AK8: variants seen among roughly 807,000 people sequenced by gnomAD.
AK8 encodes the protein adenylate kinase 8, also known as ATP-AMP transphosphorylase 8.
A neutral mutation model predicts 54.6 loss-of-function variants in AK8; 44 were observed. That is an observed-to-expected ratio of 0.81 (90% CI 0.63 to 1.04). AK8 has a LOEUF of 1.04. Ranked by LOEUF, AK8 falls within the 50% of genes least tolerant of loss-of-function variation. AK8 has a pLI of 0.00. For synonymous variants in AK8, 239 were observed against 245.6 expected (o/e 0.97, Z 0.25); for missense variants, 555 against 613.6 (o/e 0.90, Z 1.01).
intron 5 of AK8, among the ~76,000 whole-genome samples, chr9:132,839,919 G>A (rs1842472403): frequency 6.6e-6 from 1 of 151,240 alleles, no homozygotes. Context: ...CCGGGTTCAA[G>A]TGATTCTCTT....
At chr9:132,817,106 C>T (rs1398156138) in intron 9 of AK8, among the ~76,000 whole-genome samples, 3 of 152,118 alleles carry the variant, frequency 2.0e-5, no homozygotes, top group Non-Finnish European at 4.4e-5. Flanking sequence ...AGTGACAGAC[C>T]CTGCTGAACA....
chr9:132,758,300 A>G (rs1488953849), intron 11 of AK8, among the ~76,000 whole-genome samples: 1 of 152,260 alleles, frequency 6.6e-6, no homozygotes, highest in Non-Finnish European at 1.5e-5. Flanking sequence ...GAAAGAAAAA[A>G]GTCTAAATGC....
chr9:132,772,870 A>G (rs1347292427), intron 11 of AK8, among the ~76,000 whole-genome samples: 1 of 152,120 alleles, frequency 6.6e-6, no homozygotes, highest in African/African-American at 2.4e-5. Context: ...CACCACCTCC[A>G]CAGCTACCAC....
intron 11 of AK8, among the ~76,000 whole-genome samples, chr9:132,778,695 GCCT>G (rs1276751655): frequency 6.6e-6 from 1 of 152,028 alleles, no homozygotes; most frequent in Non-Finnish European, 1.5e-5. Flanking sequence ...GGGAGCTCTG[GCCT>G]ATAAACTATA....
rs962094300 is a variant in AK8, at chr9:132,728,613, C to T, written c.1122-1079G>A. On this transcript the variant is annotated intron_variant, in intron 11 of 12. Coordinates refer to ENST00000298545, the MANE Select transcript of AK8 (RefSeq NM_152572.3). ...ATAATTTAATCACCATTCCTAGATA[C>T]CCTTCCTGGGAGTTCAGGCTCCCTG... 3.3e-5 allele frequency among the ~76,000 whole-genome samples: 5 copies of T among 152,296 alleles called. No homozygotes were observed. In the South Asian group the frequency reaches 8.3e-4, roughly 25 times the overall value.
At chr9:132,825,785 T>C (rs983058578) in intron 8 of AK8, among the ~76,000 whole-genome samples, 1 of 152,216 alleles carries the variant, frequency 6.6e-6, no homozygotes, top group Non-Finnish European at 1.5e-5. Flanking sequence ...AAAACAGGAC[T>C]TTTCTTGGAG....
chr9:132,779,864 G>T (rs1839384352), intron 11 of AK8, among the ~76,000 whole-genome samples: 1 of 152,220 alleles, frequency 6.6e-6, no homozygotes, highest in Non-Finnish European at 1.5e-5. Context: ...CCCTTCCATG[G>T]ATCTTACCTG....
At chr9:132,740,288 G>A (rs1379240386) in intron 11 of AK8, among the ~76,000 whole-genome samples, 1 of 152,196 alleles carries the variant, frequency 6.6e-6, no homozygotes, top group Non-Finnish European at 1.5e-5. Context: ...CCCAAATGAG[G>A]TCTGGGTACT....
intron 10 of AK8, among the ~76,000 whole-genome samples, chr9:132,801,678 G>T (rs1200261846): frequency 2.0e-5 from 3 of 152,168 alleles, no homozygotes; most frequent in African/African-American, 7.2e-5. Flanking sequence ...CAGTTTTCTG[G>T]GAGGGAAAAG....
At chr9:132,873,353 G>T (rs1157996598) in intron 2 of AK8, among the ~76,000 whole-genome samples, 1 of 152,146 alleles carries the variant, frequency 6.6e-6, no homozygotes, top group Non-Finnish European at 1.5e-5. Flanking sequence ...AACGAGGAAA[G>T]TGAGGCCAAA....
intron 10 of AK8, among the ~76,000 whole-genome samples, chr9:132,813,279 G>C (rs1043288855): frequency 2.0e-5 from 3 of 151,982 alleles, no homozygotes; most frequent in Non-Finnish European, 4.4e-5. Flanking sequence ...TCCACCCCGC[G>C]GACTAGGACA....
Position 132,823,416 on chromosome 9 carries a change from CTT to C in AK8, c.758-82_758-81del, listed in dbSNP as rs879115613. 7.7e-6 allele frequency: 12 copies of C among 1,568,428 alleles called. No homozygotes were observed. The South Asian group carries it at 1.0e-4, about 13-fold the overall frequency. ...CGCTTGCAGCCCCTCTGCTTTGACTCTTTTAACGGCAGTAACTCTTTTTCTCT... is the reference window on the plus strand; with the variant it reads ...CGCTTGCAGCCCCTCTGCTTTGACTCTTAACGGCAGTAACTCTTTTTCTCT... On this transcript the variant is annotated intron_variant, in intron 8 of 12. Coordinates refer to ENST00000298545, the MANE Select transcript of AK8 (RefSeq NM_152572.3).
rs144212119 is a variant in AK8, at chr9:132,781,159, GTTTC to G, written c.1121+11471_1121+11474del. On this transcript the variant is annotated intron_variant, in intron 11 of 12. Transcript: ENST00000298545. This position sits in a 1 kb window ranked among gnomAD's most constrained non-coding sequence, Gnocchi z 4.6. ...CAGCCATGAACATAGTTCTTTCTTT[GTTTC>G]TTTCTTTCTTTCTTTTTTTTTACTA... is the stretch of plus-strand genomic sequence containing the variant. Among the ~76,000 whole-genome samples, 16,786 of 151,822 alleles carry G rather than the reference GTTTC, an allele frequency of 0.11. 1,220 individuals carry two copies. The highest frequency in any genetic ancestry group is 0.16 in the Non-Finnish European group (11,073 of 67,888).
chr9:132,866,269 T>C (rs1033483441), intron 3 of AK8, among the ~76,000 whole-genome samples: 1 of 152,154 alleles, frequency 6.6e-6, no homozygotes, highest in Admixed American at 6.5e-5. Context: ...TTCTGGACAT[T>C]CACTGTCCAG....
At chr9:132,786,182 C>G (rs1182291214) in intron 11 of AK8, among the ~76,000 whole-genome samples, 1 of 152,192 alleles carries the variant, frequency 6.6e-6, no homozygotes, top group Non-Finnish European at 1.5e-5. Flanking sequence ...CACCTGGGAA[C>G]TGGTGGCTAA....
chr9:132,816,206 T>C (rs1263410567), intron 9 of AK8, among the ~76,000 whole-genome samples: 1 of 151,874 alleles, frequency 6.6e-6, no homozygotes, highest in Non-Finnish European at 1.5e-5. Context: ...ATACAAAAAT[T>C]AGCCCAGTGT....
At chr9:132,726,278 TCTCC>T (rs540630551) in intron 12 of AK8, among the ~76,000 whole-genome samples, 43 of 138,824 alleles carry the variant, frequency 3.1e-4, no homozygotes, top group African/African-American at 9.1e-4. Context: ...CCCTCTCTTC[TCTCC>T]CTCCCTCCCT....
At chr9:132,793,290 C>T (rs1258150902) in intron 10 of AK8, among the ~76,000 whole-genome samples, 1 of 152,160 alleles carries the variant, frequency 6.6e-6, no homozygotes, top group Admixed American at 6.5e-5. Context: ...GCCTTGTGAC[C>T]TCATCACCTC....
At position 132,791,028 on chromosome 9, in the gene AK8, T is replaced by TA. The variant is rs1165069831; in HGVS notation, c.1121+1605dup. ...ATTTTCACTAGAAGCAAAGACAGAATATATCCATGTCAAACTGTAACGGAT... is the reference window on the plus strand; with the variant it reads ...ATTTTCACTAGAAGCAAAGACAGAATAATATCCATGTCAAACTGTAACGGAT... On this transcript the variant is annotated intron_variant, in intron 11 of 12. Transcript: ENST00000298545. This position sits in a 1 kb window ranked among gnomAD's most constrained non-coding sequence, Gnocchi z 4.0. 7.2e-5 allele frequency among the ~76,000 whole-genome samples: 11 copies of TA among 152,134 alleles called. No individual in the cohort carries two copies. Among genetic ancestry groups the TA allele is most frequent in the Non-Finnish European group, 1.0e-4 (7 of 68,032 alleles).
Sources: allele counts gnomAD v4.1 joint callset (sites outside exome capture counted in the v4.1 genomes callset), GRCh38; gene constraint gnomAD v4.1.1; non-coding constraint Gnocchi (gnomAD v3.1); transcripts MANE v1.5; gene names NCBI Gene and HGNC (gene_info 2026-07-23, HGNC 2026-07-21).